FANCD2: variants seen among roughly 807,000 people sequenced by gnomAD.
FANCD2 encodes the protein Fanconi anemia group D2 protein.
A neutral mutation model predicts 192.3 loss-of-function variants in FANCD2; 131 were observed. The observed-to-expected ratio is 0.68, with a 90% confidence interval of 0.59 to 0.79. The LOEUF is 0.79. FANCD2 is among the 30% of genes least tolerant of loss of function. FANCD2 has a pLI of 0.00. For synonymous variants in FANCD2, 524 were observed against 612.5 expected (o/e 0.86, Z 2.13); for missense variants, 1,508 against 1,701.6 (o/e 0.89, Z 2.00).
intron 20 of FANCD2, among the ~76,000 whole-genome samples, chr3:10,063,160 C>T (rs2087617050): frequency 6.6e-6 from 1 of 152,134 alleles, no homozygotes; most frequent in African/African-American, 2.4e-5. Context: ...TCAGGCAGGG[C>T]ACGGTGGTTT....
chr3:10,047,854 C>T, intron 15 of FANCD2, 63 bp from the exon 16 acceptor site: 1 of 1,602,054 alleles, frequency 6.2e-7, no homozygotes, highest in Non-Finnish European at 8.5e-7. Context: ...ATAAGCAACT[C>T]TTAGGTTGTG....
rs150432259 is a variant in FANCD2, at chr3:10,030,258, G to A, written c.64+1537G>A. On this transcript the variant is annotated intron_variant, in intron 2 of 43. Transcript: ENST00000675286. The stretch of plus-strand genomic sequence containing the variant: ...ATTACATGTACATGCCATCATGCCT[G>A]GCTAATTTTTGTATTTTTAGTAGAG... Among the ~76,000 whole-genome samples the A allele has an allele frequency of 9.6e-4, 146 of 151,888 alleles. 12 individuals carry two copies. The South Asian group carries it at 0.015, about 16-fold the overall frequency.
At chr3:10,034,096 G>C (rs2086669025) in intron 3 of FANCD2, among the ~76,000 whole-genome samples, 3 of 150,590 alleles carry the variant, frequency 2.0e-5, no homozygotes, top group Admixed American at 1.3e-4. Context: ...GGCTGAGGAG[G>C]GTGGATCACG....
At chr3:10,050,622 C>CAA (rs58316932) in intron 17 of FANCD2, among the ~76,000 whole-genome samples, 93 of 59,388 alleles carry the variant, frequency 1.6e-3, no homozygotes, top group East Asian at 3.5e-3. Context: ...GACTCTGTCT[C>CAA]AAAAAAAAAA....
At chr3:10,042,903 A>G in intron 11 of FANCD2, 147 bp from the exon 12 acceptor site, 1 of 799,508 alleles carries the variant, frequency 1.3e-6, no homozygotes, top group East Asian at 2.6e-5. Flanking sequence ...TGCATTGGCT[A>G]TTCTCATAAC....
chr3:10,092,313 C>A, intron 38 of FANCD2, 61 bp downstream of exon 38: 1 of 1,314,056 alleles, frequency 7.6e-7, no homozygotes, highest in Non-Finnish European at 1.1e-6. Context: ...AGTGTCCTGG[C>A]TTCCAAAATG....
At chr3:10,073,407 G>T in intron 28 of FANCD2, 45 bp downstream of exon 28, 1 of 1,343,278 alleles carries the variant, frequency 7.4e-7, no homozygotes, top group South Asian at 1.2e-5. Flanking sequence ...ACATCCCAGT[G>T]AGATTAACAG....
At chr3:10,078,006 C>G in intron 29 of FANCD2, 75 bp from the exon 30 acceptor site, 4 of 1,113,558 alleles carry the variant, frequency 3.6e-6, no homozygotes, top group Non-Finnish European at 5.5e-6. Context: ...GCACATTTAA[C>G]AAAAAAGAAA....
intron 2 of FANCD2, among the ~76,000 whole-genome samples, chr3:10,032,043 C>T (rs563131262): frequency 6.6e-6 from 1 of 152,256 alleles, no homozygotes; most frequent in South Asian, 2.1e-4. Context: ...TGGGGTTTCA[C>T]CACGTTAGCC....
At chr3:10,074,458 T>C (rs765059939) in intron 28 of FANCD2, 72 bp from the exon 29 acceptor site, 136 of 1,376,226 alleles carry the variant, frequency 9.9e-5, no homozygotes, top group Non-Finnish European at 1.3e-4. Flanking sequence ...ATTTGTACTT[T>C]GAAGTTTTTA....
At chr3:10,039,986 T>A in intron 9 of FANCD2, 141 bp downstream of exon 9, 1 of 875,344 alleles carries the variant, frequency 1.1e-6, no homozygotes, top group East Asian at 2.6e-5. Context: ...GGTATGGGAT[T>A]TGACTTAAAA....
At chr3:10,052,216 T>C (rs1449011317) in intron 17 of FANCD2, among the ~76,000 whole-genome samples, 171 bp from the exon 18 acceptor site, 3 of 152,212 alleles carry the variant, frequency 2.0e-5, no homozygotes, top group Non-Finnish European at 4.4e-5. Flanking sequence ...ATCAAACCTT[T>C]GGGCTCTGAG....
intron 26 of FANCD2, 113 bp downstream of exon 26, chr3:10,067,430 C>T (rs1396585464): frequency 3.3e-5 from 23 of 702,548 alleles, no homozygotes; most frequent in Middle Eastern, 2.3e-4. Flanking sequence ...AAAGAAATCT[C>T]AGGCCAATAT....
Position 10,034,759 on chromosome 3 carries a change from G to T in FANCD2, c.338G>T (p.Cys113Phe). Residue 113 changes from cysteine (C) to phenylalanine (F), a missense_variant, in exon 5 of 44, where the codon TGC (cysteine) becomes TTC (phenylalanine). Coordinates refer to ENST00000675286, the MANE Select transcript of FANCD2 (RefSeq NM_001018115.3). ...YIEDEDSFRN[C>F]LLSCERLQDE... ...GAGGATGAAGACAGTTTCAGGAACT[G>T]CCTTTTGTCTTGTGAGCGTCTGCAG... 1 of 1,567,682 alleles carries T rather than the reference G, an allele frequency of 6.4e-7. No homozygotes were observed. Among genetic ancestry groups the T allele is most frequent in the Non-Finnish European group, 8.7e-7 (1 of 1,155,840 alleles).
At position 10,096,352 on chromosome 3, in the gene FANCD2, A is replaced by G. The variant is rs374343764; in HGVS notation, c.4065A>G (p.Gln1355=). 1.2e-6 allele frequency: 2 copies of G among 1,614,182 alleles called. No individual in the cohort carries two copies. Among genetic ancestry groups the G allele is most frequent in the Admixed American group, 1.7e-5 (1 of 60,024 alleles). The change falls in exon 42 of 44, where the codon CAA becomes CAG. Residue 1355 remains glutamine (Q), a synonymous_variant. Coordinates refer to ENST00000675286, the MANE Select transcript of FANCD2 (RefSeq NM_001018115.3). ...SKIHQDTRLT[Q]HVPLLKKTLE... is the part of the protein sequence containing the mutation. ...TTCACCAGGACACGAGACTCACCCA[A>G]CATGTGCCTCTGCTCAAAAAGACCC...
intron 43 of FANCD2, 160 bp downstream of exon 43, chr3:10,098,975 T>G (rs751581738): frequency 6.2e-7 from 1 of 1,614,166 alleles, no homozygotes; most frequent in Non-Finnish European, 8.5e-7. Context: ...ATATAATTTT[T>G]GGGACCCAGA....
chr3:10,089,743 C>T (rs1694471288), intron 36 of FANCD2, among the ~76,000 whole-genome samples: 1 of 152,208 alleles, frequency 6.6e-6, no homozygotes, highest in Non-Finnish European at 1.5e-5. Context: ...GCTGGGATTA[C>T]AGGCATGAGC....
At chr3:10,070,180 G>T (rs60061292) in intron 26 of FANCD2, among the ~76,000 whole-genome samples, 2 of 147,062 alleles carry the variant, frequency 1.4e-5, no homozygotes, top group East Asian at 4.1e-4. Flanking sequence ...GAGACCCTCC[G>T]CCCGGCAACC....
At chr3:10,038,684 G>T (rs532978698) in intron 7 of FANCD2, among the ~76,000 whole-genome samples, 1 of 150,850 alleles carries the variant, frequency 6.6e-6, no homozygotes, top group East Asian at 2.0e-4. Context: ...GGGTTCAAGC[G>T]ATTCTCCTGC....
Sources: gnomAD v4.1 joint callset for allele counts (sites outside exome capture counted in the v4.1 genomes callset) on GRCh38, gnomAD v4.1.1 for gene constraint, MANE v1.5 for transcripts, NCBI Gene and HGNC (gene_info 2026-07-23, HGNC 2026-07-21) for gene names.